DERL2: variants seen among roughly 807,000 people sequenced by gnomAD.
DERL2 encodes derlin 2.
In DERL2, 13 loss-of-function variants were observed where a neutral mutation model predicts 32.0. The observed-to-expected ratio is 0.41, with a 90% CI of 0.26 to 0.65. The LOEUF is 0.65. DERL2 is among the 30% of genes least tolerant of loss of function. The pLI, the probability that DERL2 is intolerant of heterozygous loss-of-function variation, is 0.35. For synonymous variants in DERL2, 111 were observed against 104.7 expected, an observed-to-expected ratio of 1.06 and a Z score of -0.37; for missense variants, 208 against 296.3, an observed-to-expected ratio of 0.70 and a Z score of 2.19.
intron 1 of DERL2, 173 bp downstream of exon 1, chr17:5,485,896 G>A (rs1906214909): frequency 4.1e-6 from 2 of 488,194 alleles, no homozygotes; most frequent in African/African-American, 2.0e-5. Flanking sequence ...CCCTTCTCGC[G>A]TCACTGGATA....
At chr17:5,475,863 C>G (rs1361070812) in intron 6 of DERL2, among the ~76,000 whole-genome samples, 1 of 152,142 alleles carries the variant, frequency 6.6e-6, no homozygotes, top group Non-Finnish European at 1.5e-5. Flanking sequence ...TATGATTCCA[C>G]TTAGGTACAG....
rs1339729566 is a variant in DERL2, at chr17:5,481,783, G to A, written c.234-394C>T. On this transcript the variant is annotated intron_variant, in intron 3 of 6. Transcript: ENST00000158771. The surrounding 1 kb of genome is among the most constrained non-coding windows in gnomAD (Gnocchi z 4.4). ...TCCTGCCTCATTCTCCTGAGTAGCT[G>A]GGATTACAGTTGTGTGCCACCATGC... is the stretch of plus-strand genomic sequence containing the variant. 6.6e-6 allele frequency among the ~76,000 whole-genome samples: 1 copy of A among 152,036 alleles called. No individual in the cohort carries two copies.
chr17:5,480,968 G>C, intron 4 of DERL2: 1 of 549,660 alleles, frequency 1.8e-6, no homozygotes, highest in East Asian at 3.0e-5. Flanking sequence ...CTATTGTATA[G>C]ATGAAAATTC....
intron 6 of DERL2, chr17:5,477,764 A>C (rs1905487399): frequency 6.6e-6 from 1 of 152,238 alleles, no homozygotes; most frequent in African/African-American, 2.4e-5. Context: ...TAGTACTAGA[A>C]ATGGGAGTAT....
chr17:5,485,001 G>A (rs1906074757), intron 2 of DERL2, 150 bp downstream of exon 2: 4 of 472,462 alleles, frequency 8.5e-6, no homozygotes, highest in Non-Finnish European at 1.1e-5. Flanking sequence ...CCAGGCTGCA[G>A]AATCACTGCT....
At chr17:5,479,385 G>A (rs1214144370) in intron 6 of DERL2, among the ~76,000 whole-genome samples, 2 of 150,626 alleles carry the variant, frequency 1.3e-5, no homozygotes, top group African/African-American at 4.9e-5. Context: ...TCTCAATTGA[G>A]CCCTTTTTAA....
intron 6 of DERL2, among the ~76,000 whole-genome samples, chr17:5,475,224 G>A (rs116483406): frequency 0.012 from 1,821 of 151,440 alleles, 39 homozygotes; most frequent in African/African-American, 0.042. Flanking sequence ...ATCAACAGGT[G>A]AATAAACAAA....
In DERL2 at chr17:5,473,087, G is replaced by T. The variant is rs1209428783; in HGVS notation, c.*1597C>A. On this transcript the variant is annotated 3_prime_UTR_variant, in exon 7 of 7. Transcript: ENST00000158771. ...AAACAATCTGAAAATTCCTATTTAG[G>T]ATGTCCATTATGTTTAAGCCTATGT... is the stretch of plus-strand genomic sequence containing the variant. 1.3e-5 allele frequency: 2 copies of T among 152,120 alleles called. No homozygotes were observed. The highest frequency in any genetic ancestry group is 4.8e-5 in the African/African-American group (2 of 41,400). 9.4% of individuals were successfully genotyped at this position (152,120 alleles called of 1,614,324 possible). A position where few individuals can be genotyped will look rare whatever the true frequency, so the allele number is the denominator to read the frequency against.
chr17:5,486,175 G>T lies in DERL2; in HGVS notation c.-14C>A. Reference sequence around the variant, plus strand: ...CTGGTACGCCATCTTCCCCACCGTCGCCTGCCCCACCCCCCACCCACCCCA... The same window carrying T: ...CTGGTACGCCATCTTCCCCACCGTCTCCTGCCCCACCCCCCACCCACCCCA... On this transcript the variant is annotated 5_prime_UTR_variant, in exon 1 of 7. Coordinates refer to ENST00000158771, the MANE Select transcript of DERL2 (RefSeq NM_016041.5). 1 of 1,567,480 alleles carries T rather than the reference G, an allele frequency of 6.4e-7. No homozygotes were observed. Among genetic ancestry groups the T allele is most frequent in the Non-Finnish European group, 8.6e-7 (1 of 1,156,266 alleles).
chr17:5,479,747 G>A (rs1905647409), intron 6 of DERL2, among the ~76,000 whole-genome samples: 1 of 152,044 alleles, frequency 6.6e-6, no homozygotes, highest in Middle Eastern at 3.2e-3. Context: ...TTCACTAAAC[G>A]TGGACAGCAG....
Position 5,474,782 on chromosome 17 carries a change from T to C in DERL2, c.622A>G (p.Ile208Val), listed in dbSNP as rs1338522707. 3 of 1,612,980 alleles carry C rather than the reference T, an allele frequency of 1.9e-6. No homozygotes were observed. Among genetic ancestry groups the C allele is most frequent in the Middle Eastern group, 1.7e-4 (1 of 6,056 alleles). Residue 208 changes from isoleucine to valine, a missense_variant, in exon 7 of 7, where the codon ATT becomes GTT. Around this residue, in one of 3 missense-constraint regions of DERL2, gnomAD observed 124 missense variants for 215.3 expected, o/e 0.58. Transcript: ENST00000158771. The surrounding 1 kb of genome is among the most constrained non-coding windows in gnomAD (Gnocchi z 4.3). Reference sequence around the variant, plus strand: ...GGATCCTCATCTGGTGTATCAAAAATAGCTTTCCTAAAAGACAAGCAACAG... The same window carrying C: ...GGATCCTCATCTGGTGTATCAAAAACAGCTTTCCTAAAAGACAAGCAACAG... ...ILKTPSILKA[I>V]FDTPDEDPNY...
At chr17:5,476,641 T>C (rs1029430863) in intron 6 of DERL2, among the ~76,000 whole-genome samples, 4 of 151,698 alleles carry the variant, frequency 2.6e-5, no homozygotes, top group Non-Finnish European at 5.9e-5. Flanking sequence ...ATTAGCCGGG[T>C]GTGGTGGCGC....
upstream of DERL2, chr17:5,486,582 G>A (rs952136211): frequency 6.3e-6 from 1 of 157,986 alleles, no homozygotes; most frequent in Non-Finnish European, 1.4e-5. Context: ...CGGAATTTTG[G>A]GGAGCCAACC....
At position 5,481,639 on chromosome 17, in the gene DERL2, A is replaced by C. The variant is rs996107888; in HGVS notation, c.234-250T>G. On this transcript the variant is annotated intron_variant, in intron 3 of 6. Coordinates refer to ENST00000158771, the MANE Select transcript of DERL2 (RefSeq NM_016041.5). This position sits in a 1 kb window ranked among gnomAD's most constrained non-coding sequence, Gnocchi z 4.4. ...CCAGATGACACACAGACATGCTTTCAGTCCCCTATTCTTTTTTTTTTTTCT... is the reference window on the plus strand; with the variant it reads ...CCAGATGACACACAGACATGCTTTCCGTCCCCTATTCTTTTTTTTTTTTCT... 2.7e-5 allele frequency among the ~76,000 whole-genome samples: 4 copies of C among 150,632 alleles called. No individual in the cohort carries two copies. The highest frequency in any genetic ancestry group is 9.7e-5 in the African/African-American group (4 of 41,040).
chr17:5,481,541 T>G lies in DERL2; in HGVS notation c.234-152A>C, dbSNP rs949135001. 3.2e-6 allele frequency: 2 copies of G among 634,422 alleles called. No individual in the cohort carries two copies. The highest frequency in any genetic ancestry group is 5.9e-5 in the Admixed American group (2 of 34,098). The allele number at this position is 634,422 out of a possible 1,614,324, so 39.3% of individuals were successfully genotyped here. A position where few individuals can be genotyped will look rare whatever the true frequency, so the allele number is the denominator to read the frequency against. On this transcript the variant is annotated intron_variant, in intron 3 of 6. Transcript: ENST00000158771. This position sits in a 1 kb window ranked among gnomAD's most constrained non-coding sequence, Gnocchi z 4.4. ...ATGTTTGAGTGGTAATGTGATTACT[T>G]TTTTACCAAGCATTTGAGAAAAGGT...
Position 5,481,279 on chromosome 17 carries a change from T to C in DERL2, c.327+17A>G, listed in dbSNP as rs371807847. ...GGTGTTCTTCAACATTTTCCCGTGT[T>C]GTTTGTTGAAGGATACGGTCATTAA... On this transcript the variant is annotated intron_variant, in intron 4 of 6. Transcript: ENST00000158771. The surrounding 1 kb of genome is among the most constrained non-coding windows in gnomAD (Gnocchi z 4.4). 2 of 1,580,100 alleles carry C rather than the reference T, an allele frequency of 1.3e-6. No homozygotes were observed. Among genetic ancestry groups the C allele is most frequent in the East Asian group, 2.2e-5 (1 of 44,738 alleles).
In DERL2 at chr17:5,474,863, GC is replaced by G; in HGVS notation, c.615-75del. On this transcript the variant is annotated intron_variant, in intron 6 of 6. Coordinates refer to ENST00000158771, the MANE Select transcript of DERL2 (RefSeq NM_016041.5). The surrounding 1 kb of genome is among the most constrained non-coding windows in gnomAD (Gnocchi z 4.3). ...CCAAAGTACTACAAGGTCAGTTCAG[GC>G]CCCATAGGGTTTCCACCAATAGGTA... is the stretch of plus-strand genomic sequence containing the variant. The G allele has an allele frequency of 1.8e-6, 2 of 1,101,704 alleles. No homozygotes were observed. The highest frequency in any genetic ancestry group is 1.3e-6 in the Non-Finnish European group (1 of 757,754). 68.2% of individuals were successfully genotyped at this position (1,101,704 alleles called of 1,614,324 possible).
intron 1 of DERL2, 33 bp from the exon 2 acceptor site, chr17:5,485,249 C>A (rs909765329): frequency 1.9e-5 from 27 of 1,391,784 alleles, no homozygotes; most frequent in Non-Finnish European, 2.2e-5. Flanking sequence ...TAAAGCAAAT[C>A]AAGAAACAAA....
chr17:5,485,215 T>G lies in DERL2; in HGVS notation c.95A>C (p.Gln32Pro). ...CTGAAAAGGTGTGATCAATTCCAAC[T>G]GCTGAAATAGAAAAAGAGCTTCTTA... ...TACVLTTAAV[Q>P]LELITPFQLY... is the part of the protein sequence containing the mutation. The change falls in exon 2 of 7, where the codon CAG (glutamine) becomes CCG (proline). Residue 32 changes from glutamine to proline, a missense_variant and splice_region_variant. Physicochemically the swap from Gln to Pro is moderately conservative, Grantham distance 76. Around this residue, in one of 3 missense-constraint regions of DERL2, gnomAD observed 44 missense variants for 42.3 expected, o/e 1.04. Coordinates refer to ENST00000158771, the MANE Select transcript of DERL2 (RefSeq NM_016041.5). 1 of 1,580,032 alleles carries G rather than the reference T, an allele frequency of 6.3e-7. No homozygotes were observed.
Sources: gnomAD v4.1 joint callset for allele counts (sites outside exome capture counted in the v4.1 genomes callset) on GRCh38, gnomAD v4.1.1 for gene constraint, gnomAD v4.1.1 regional missense constraint, Gnocchi (gnomAD v3.1) non-coding constraint, MANE v1.5 for transcripts, NCBI Gene and HGNC (gene_info 2026-07-23, HGNC 2026-07-21) for gene names.